The following ELL variants were observed in gnomAD, a reference collection of about 807,000 sequenced individuals.
The protein encoded by ELL is RNA polymerase II elongation factor ELL.
A neutral mutation model predicts 64.0 loss-of-function variants in ELL; 18 were observed. That is an observed-to-expected ratio of 0.28 (90% confidence interval 0.19 to 0.42). The LOEUF is 0.42. Among genes scored for constraint, ELL ranks in the 10% least tolerant of loss-of-function variants. The pLI is 1.00. For missense variants in ELL, 797 were observed against 870.4 expected, an observed-to-expected ratio of 0.92 and a Z score of 1.06; for synonymous variants, 399 against 376.2, an observed-to-expected ratio of 1.06 and a Z score of -0.70.
rs533827883 is a variant in ELL, at chr19:18,444,580, G to A, written c.*172C>T. The A allele has an allele frequency of 2.0e-4, 124 of 629,688 alleles. No individual in the cohort carries two copies. Among genetic ancestry groups the A allele is most frequent in the African/African-American group, 4.1e-4 (22 of 54,002 alleles). The allele number at this position is 629,688 out of a possible 1,614,324, so 39.0% of individuals were successfully genotyped here. On this transcript the variant is annotated 3_prime_UTR_variant, in exon 12 of 12. Transcript: ENST00000262809. Reference sequence around the variant, plus strand: ...CTGCTCAGGAAGCGCAGGGAGGGCCGAGGTGGGCTTGCAGCCACCCGCCAG... The same window carrying A: ...CTGCTCAGGAAGCGCAGGGAGGGCCAAGGTGGGCTTGCAGCCACCCGCCAG...
At position 18,464,770 on chromosome 19, in the gene ELL, T is replaced by C. The variant is rs113160212; in HGVS notation, c.469+642A>G. On this transcript the variant is annotated intron_variant, in intron 4 of 11. Coordinates refer to ENST00000262809, the MANE Select transcript of ELL (RefSeq NM_006532.4). ...TTCCCATGACTCCTGGAGCTCTGCC[T>C]GGACTAAGAGGCGGGGTGCTGCAGC... 3.5e-3 allele frequency among the ~76,000 whole-genome samples: 535 copies of C among 152,368 alleles called. 1 individual carries two copies. Among genetic ancestry groups the C allele is most frequent in the African/African-American group, 0.011 (446 of 41,578 alleles).
chr19:18,496,225 G>A (rs966906739), intron 1 of ELL, among the ~76,000 whole-genome samples: 2 of 152,186 alleles, frequency 1.3e-5, no homozygotes, highest in Non-Finnish European at 2.9e-5. Flanking sequence ...GAGCTGTGAC[G>A]GCCATGCCTG....
At chr19:18,467,806 CACACACACAAACACAA>C (rs1385090176) in intron 2 of ELL, among the ~76,000 whole-genome samples, 42 of 93,292 alleles carry the variant, frequency 4.5e-4, no homozygotes, top group South Asian at 8.4e-4. Flanking sequence ...ACAATCCCCC[CACACACACAAACACAA>C]CCCCTCCACA....
chr19:18,520,534 A>G (rs1406895534), intron 1 of ELL, among the ~76,000 whole-genome samples: 1 of 152,142 alleles, frequency 6.6e-6, no homozygotes, highest in Non-Finnish European at 1.5e-5. Flanking sequence ...ACACCGGGAC[A>G]GGGAGGAAAT....
At chr19:18,514,792 T>C (rs956629344) in intron 1 of ELL, among the ~76,000 whole-genome samples, 1 of 152,158 alleles carries the variant, frequency 6.6e-6, no homozygotes, top group Non-Finnish European at 1.5e-5. Flanking sequence ...AAACCCAAAA[T>C]GTGCAGTATC....
intron 6 of ELL, among the ~76,000 whole-genome samples, chr19:18,454,394 G>A (rs745402733): frequency 1.5e-4 from 23 of 152,138 alleles, no homozygotes; most frequent in Admixed American, 1.3e-3. Context: ...AGCTACTCGC[G>A]AGGCTGAGGC....
chr19:18,466,135 G>A (rs988656941), intron 2 of ELL, among the ~76,000 whole-genome samples: 11 of 152,218 alleles, frequency 7.2e-5, no homozygotes, highest in Admixed American at 2.0e-4. Context: ...GCACCTATGC[G>A]GGTGGGCATG....
chr19:18,517,378 A>T (rs1224138083), intron 1 of ELL, among the ~76,000 whole-genome samples: 1 of 151,948 alleles, frequency 6.6e-6, no homozygotes, highest in Non-Finnish European at 1.5e-5. Context: ...CCTCCCAAGT[A>T]GCTGGGATTA....
intron 1 of ELL, among the ~76,000 whole-genome samples, chr19:18,486,108 G>C (rs1975409849): frequency 6.6e-6 from 1 of 152,092 alleles, no homozygotes; most frequent in South Asian, 2.1e-4. Context: ...TGCTGACCTT[G>C]GCAGGAAGCA....
chr19:18,495,364 A>G (rs540566193), intron 1 of ELL, among the ~76,000 whole-genome samples: 8 of 152,086 alleles, frequency 5.3e-5, no homozygotes, highest in Non-Finnish European at 1.0e-4. Context: ...TGGGGTGTGG[A>G]GAGGAACTGG....
chr19:18,485,836 A>C (rs933864225), intron 1 of ELL, among the ~76,000 whole-genome samples: 8 of 152,086 alleles, frequency 5.3e-5, no homozygotes, highest in Non-Finnish European at 1.2e-4. Flanking sequence ...AATACAAAAA[A>C]TTAGCCGGGC....
At chr19:18,497,628 G>C (rs1186889093) in intron 1 of ELL, among the ~76,000 whole-genome samples, 1 of 151,858 alleles carries the variant, frequency 6.6e-6, no homozygotes, top group South Asian at 2.1e-4. Flanking sequence ...AGACCAGCCT[G>C]AGCAACACAG....
At chr19:18,514,013 C>A (rs1485060581) in intron 1 of ELL, among the ~76,000 whole-genome samples, 1 of 152,154 alleles carries the variant, frequency 6.6e-6, no homozygotes, top group African/African-American at 2.4e-5. Flanking sequence ...TACCCCTTCA[C>A]AAACACATCT....
intron 1 of ELL, among the ~76,000 whole-genome samples, chr19:18,515,969 G>A (rs1976119153): frequency 6.6e-6 from 1 of 152,168 alleles, no homozygotes; most frequent in Admixed American, 6.5e-5. Flanking sequence ...GGGAAGGGAT[G>A]GGGGTCTAGC....
intron 1 of ELL, among the ~76,000 whole-genome samples, chr19:18,506,094 G>T (rs115471137): frequency 1.3e-3 from 203 of 152,320 alleles, no homozygotes; most frequent in African/African-American, 4.8e-3. Context: ...CACTGACCCA[G>T]CCTCCCTCCA....
chr19:18,512,979 G>C (rs1174622915), intron 1 of ELL, among the ~76,000 whole-genome samples: 2 of 152,212 alleles, frequency 1.3e-5, no homozygotes, highest in Non-Finnish European at 2.9e-5. Context: ...CTCATGAAGA[G>C]CTGAGGCCCC....
intron 2 of ELL, among the ~76,000 whole-genome samples, chr19:18,467,781 ACCC>A (rs1195234284): frequency 1.2e-5 from 1 of 85,108 alleles, no homozygotes; most frequent in African/African-American, 4.8e-5. Context: ...CCCACACACA[ACCC>A]CCCACAACCA....
intron 1 of ELL, among the ~76,000 whole-genome samples, chr19:18,505,469 CA>C (rs1376126722): frequency 6.6e-6 from 1 of 152,196 alleles, no homozygotes; most frequent in Non-Finnish European, 1.5e-5. Context: ...TGGGCAGGGC[CA>C]TAGTACCTGT....
At position 18,450,953 on chromosome 19, in the gene ELL, A is replaced by G. The variant is rs1411508773; in HGVS notation, c.989T>C (p.Phe330Ser). 1.3e-6 allele frequency: 2 copies of G among 1,526,248 alleles called. No individual in the cohort carries two copies. The highest frequency in any genetic ancestry group is 1.8e-6 in the Non-Finnish European group (2 of 1,136,908). 94.5% of individuals were successfully genotyped at this position (1,526,248 alleles called of 1,614,324 possible). A position where few individuals can be genotyped will look rare whatever the true frequency, so the allele number is the denominator to read the frequency against. ...PPQKRLQPPDFIDPLANKKPR... is the reference protein window; with the variant it reads ...PPQKRLQPPDSIDPLANKKPR... ...TTTCTTGTTGGCTAGGGGGTCGATG[A>G]AATCAGGAGGCTGCAGCCGCTTCTG... is the stretch of plus-strand genomic sequence containing the variant. The change falls in exon 8 of 12, where the codon TTC (phenylalanine) becomes TCC (serine). Residue 330 changes from phenylalanine (F) to serine (S), a missense_variant. By Grantham distance (155) the Phe-to-Ser change is radical. Transcript: ENST00000262809.
Sources: gnomAD v4.1 joint callset for allele counts (sites outside exome capture counted in the v4.1 genomes callset) on GRCh38, gnomAD v4.1.1 for gene constraint, MANE v1.5 for transcripts, NCBI Gene and HGNC (gene_info 2026-07-23, HGNC 2026-07-21) for gene names.